FAM83E: variants seen among roughly 807,000 people sequenced by gnomAD.
FAM83E encodes the protein protein FAM83E.
FAM83E carries 29 observed loss-of-function variants against 34.3 expected under a neutral mutation model. The observed-to-expected ratio is 0.85, with a 90% CI of 0.63 to 1.15. FAM83E has a LOEUF of 1.15. Among genes scored for constraint, FAM83E ranks in the 50% most tolerant of loss-of-function variants. FAM83E has a pLI of 0.00. For synonymous variants in FAM83E, 312 were observed against 311.6 expected, an observed-to-expected ratio of 1.00 and a Z score of -0.01; for missense variants, 697 against 685.0, an observed-to-expected ratio of 1.02 and a Z score of -0.20.
At chr19:48,610,123 G>T in intron 4 of FAM83E, 123 bp from the exon 5 acceptor site, 1 of 1,287,972 alleles carries the variant, frequency 7.8e-7, no homozygotes, top group Non-Finnish European at 1.1e-6. Context: ...CCAAGGCCAG[G>T]CGTGGTGGCT....
rs768310673 is a variant in FAM83E at position 48,610,728 on chromosome 19, G to A, written c.585C>T (p.Ala195=). 5.7e-6 allele frequency: 9 copies of A among 1,586,762 alleles called. No individual in the cohort carries two copies. Among genetic ancestry groups the A allele is most frequent in the Middle Eastern group, 1.7e-4 (1 of 6,038 alleles). ...YLLLDRQQLP[A]FLELAQQLGV... The stretch of plus-strand genomic sequence containing the variant: ...CCAGCTGCTGGGCCAGTTCCAGGAA[G>A]GCAGGCAGCTGCTGGCGGTCCAGGA... The change falls in exon 4 of 7, where the codon GCC becomes GCT. Residue 195 remains alanine, a synonymous_variant. Transcript: ENST00000263266.
chr19:48,603,682 C>T lies in FAM83E; in HGVS notation c.988G>A (p.Gly330Ser), dbSNP rs762142799. 27 of 1,292,964 alleles carry T rather than the reference C, an allele frequency of 2.1e-5. No individual in the cohort carries two copies. Among genetic ancestry groups the T allele is most frequent in the Admixed American group, 4.1e-5 (1 of 24,158 alleles). The allele number at this position is 1,292,964 out of a possible 1,614,324, so 80.1% of individuals were successfully genotyped here. The change falls in exon 6 of 7, where the codon GGC (glycine) becomes AGC (serine). Residue 330 changes from glycine to serine, a missense_variant. By Grantham distance (56) the Gly-to-Ser change is moderately conservative. Coordinates refer to ENST00000263266, the MANE Select transcript of FAM83E (RefSeq NM_017708.4). The part of the protein sequence containing the change: ...VAPASPPPPD[G>S]PLAHRLAACR... ...GCGGCCAGGCGGTGGGCCAGCGGGC[C>T]GTCAGGCGGCGGAGGCGACGCGGGG... is the stretch of plus-strand genomic sequence containing the variant.
At position 48,613,267 on chromosome 19, in the gene FAM83E, C is replaced by T. The variant is rs748865179; in HGVS notation, c.106G>A (p.Glu36Lys). The change falls in exon 3 of 7, where the codon GAG becomes AAG. Residue 36 changes from glutamate to lysine, a missense_variant. Glu to Lys is a moderately conservative substitution (Grantham distance 56). Transcript: ENST00000263266. ...TCCGCGCCCTTGCTCAACAGAGCCT[C>T]CAGTGCCAGCCGCTGGCCCTCGGAA... ...LYSEGQRLAL[E>K]ALLSKGAEAF... The T allele has an allele frequency of 6.2e-7, 1 of 1,609,480 alleles. No homozygotes were observed. Among genetic ancestry groups the T allele is most frequent in the Admixed American group, 1.7e-5 (1 of 59,950 alleles).
chr19:48,612,390 G>A (rs976034092), intron 3 of FAM83E, among the ~76,000 whole-genome samples: 2 of 151,640 alleles, frequency 1.3e-5, no homozygotes, highest in Admixed American at 6.6e-5. Context: ...GGGAGGGTAG[G>A]GGCCCCCATT....
chr19:48,605,842 C>T (rs543745089), intron 5 of FAM83E, among the ~76,000 whole-genome samples: 3 of 152,006 alleles, frequency 2.0e-5, no homozygotes, highest in African/African-American at 7.2e-5. Flanking sequence ...TGAGCCACTG[C>T]GCCCGGCCAA....
chr19:48,600,870 C>T lies in FAM83E; in HGVS notation c.*239G>A. On this transcript the variant is annotated 3_prime_UTR_variant, in exon 7 of 7. Transcript: ENST00000263266. ...GTCTCACTATGTTGCCCAGGCTGGTCTCCAACTCCTGGCCTTAAGCAACCC... is the reference window on the plus strand; with the variant it reads ...GTCTCACTATGTTGCCCAGGCTGGTTTCCAACTCCTGGCCTTAAGCAACCC... The T allele has an allele frequency of 1.3e-6, 1 of 743,330 alleles. No homozygotes were observed. The highest frequency in any genetic ancestry group is 1.9e-6 in the Non-Finnish European group (1 of 519,030). 46.0% of individuals were successfully genotyped at this position (743,330 alleles called of 1,614,324 possible). A position where few individuals can be genotyped will look rare whatever the true frequency, so the allele number is the denominator to read the frequency against.
At chr19:48,605,986 T>C (rs1322192706) in intron 5 of FAM83E, among the ~76,000 whole-genome samples, 1 of 152,156 alleles carries the variant, frequency 6.6e-6, no homozygotes, top group East Asian at 1.9e-4. Flanking sequence ...GCCCTAACAC[T>C]TCCTGTCATC....
chr19:48,610,124 C>G (rs1211694870), intron 4 of FAM83E, 124 bp from the exon 5 acceptor site: 1 of 1,274,158 alleles, frequency 7.8e-7, no homozygotes, highest in East Asian at 2.6e-5. Flanking sequence ...CAAGGCCAGG[C>G]GTGGTGGCTC....
Position 48,613,926 on chromosome 19 carries a change from G to C in FAM83E, c.-554C>G. 1.0e-6 allele frequency: 1 copy of C among 985,258 alleles called. No individual in the cohort carries two copies. Among genetic ancestry groups the C allele is most frequent in the South Asian group, 4.7e-5 (1 of 21,272 alleles). The allele number at this position is 985,258 out of a possible 1,614,324, so 61.0% of individuals were successfully genotyped here. On this transcript the variant is annotated 5_prime_UTR_variant, in exon 3 of 7. Transcript: ENST00000263266. ...GTTGCCTGCCTGCCCCCGGCCAAGA[G>C]CACGACGAACTGACCCTCTCCTTCC...
Position 48,614,533 on chromosome 19 carries a change from C to T in FAM83E, c.-1161G>A, listed in dbSNP as rs986505973. On this transcript the variant is annotated 5_prime_UTR_variant, in exon 3 of 7. Transcript: ENST00000263266. ...CCCCTTGAGGCTCCTGACCCAACCT[C>T]GGGGACCCTGGACCCTTGATCCCTG... is the stretch of plus-strand genomic sequence containing the variant. 8.1e-6 allele frequency: 8 copies of T among 985,676 alleles called. No individual in the cohort carries two copies. Among genetic ancestry groups the T allele is most frequent in the Admixed American group, 6.1e-5 (1 of 16,274 alleles). 61.1% of individuals were successfully genotyped at this position (985,676 alleles called of 1,614,324 possible).
intron 5 of FAM83E, chr19:48,607,260 C>T (rs1159514104): frequency 6.2e-7 from 1 of 1,607,866 alleles, no homozygotes; most frequent in African/African-American, 1.3e-5. Context: ...GCACCGGCCG[C>T]CTGTGTAACA....
chr19:48,610,686 G>T lies in FAM83E; in HGVS notation c.627C>A (p.Asn209Lys). The T allele has an allele frequency of 6.4e-7, 1 of 1,567,534 alleles. No homozygotes were observed. Reference sequence around the variant, plus strand: ...CCCCTGGCCCGGCCCCTACCTCCGTGTTCCAGGGGTTCACCCCCAGCTGCT... The same window carrying T: ...CCCCTGGCCCGGCCCCTACCTCCGTTTTCCAGGGGTTCACCCCCAGCTGCT... ...LAQQLGVNPW[N>K]TENVDVRVVR... Residue 209 changes from asparagine to lysine, a missense_variant, in exon 4 of 7, where the codon AAC becomes AAA. Physicochemically the swap from Asn to Lys is moderately conservative, Grantham distance 94. Transcript: ENST00000263266.
Position 48,603,631 on chromosome 19 carries a change from C to A in FAM83E, c.1039G>T (p.Gly347Trp). Residue 347 changes from glycine (G) to tryptophan (W), a missense_variant, in exon 6 of 7, where the codon GGG becomes TGG. Gly to Trp is a radical substitution (Grantham distance 184). Transcript: ENST00000263266. ...CTTAGAATGTCACTGAGTGCCGGCC[C>A]CGGGGTAGCAGGGGAGACGCGGCAG... The part of the protein sequence containing the change: ...AACRVSPATP[G>W]PALSDILRSV... 1 of 1,398,644 alleles carries A rather than the reference C, an allele frequency of 7.1e-7. No homozygotes were observed. The highest frequency in any genetic ancestry group is 9.3e-7 in the Non-Finnish European group (1 of 1,075,532). 86.6% of individuals were successfully genotyped at this position (1,398,644 alleles called of 1,614,324 possible).
chr19:48,609,941 C>T lies in FAM83E; in HGVS notation c.693G>A (p.Val231=). 6.2e-7 allele frequency: 1 copy of T among 1,613,108 alleles called. No homozygotes were observed. Among genetic ancestry groups the T allele is most frequent in the Non-Finnish European group, 8.5e-7 (1 of 1,179,988 alleles). ...CSFQSRWRRQ[V]SGTVREKFVL... is the part of the protein sequence containing the mutation. ...CAAACTTCTCCCGCACGGTGCCGCT[C>T]ACCTGCCGTCGCCAGCGGCTCTGGA... The change falls in exon 5 of 7, where the codon GTG becomes GTA. Residue 231 remains valine, a synonymous_variant. Coordinates refer to ENST00000263266, the MANE Select transcript of FAM83E (RefSeq NM_017708.4).
chr19:48,609,265 C>CTTTTTTTTTTTTTTTTTT (rs869031073), intron 5 of FAM83E, among the ~76,000 whole-genome samples: 3 of 99,692 alleles, frequency 3.0e-5, no homozygotes, highest in Admixed American at 1.3e-4. Flanking sequence ...TTCTTTCTTT[C>CTTTTTTTTTTTTTTTTTT]TTTTTTTTTT....
In FAM83E at chr19:48,601,147, C is replaced by T. The variant is rs1300547143; in HGVS notation, c.1399G>A (p.Asp467Asn). 1.9e-6 allele frequency: 3 copies of T among 1,612,976 alleles called. No individual in the cohort carries two copies. In the African/African-American group the frequency reaches 4.0e-5, roughly 22 times the overall value. ...CCAAGTCCTGCCCGGGGGGCCCAGTCTGACGGCCTGACGCCTCTGGGCTCT... is the reference window on the plus strand; with the variant it reads ...CCAAGTCCTGCCCGGGGGGCCCAGTTTGACGGCCTGACGCCTCTGGGCTCT... Reference protein sequence around the residue: ...LQEPRGVRPSDWAPRAGLGGQ... With the variant: ...LQEPRGVRPSNWAPRAGLGGQ... The change falls in exon 7 of 7, where the codon GAC (aspartate) becomes AAC (asparagine). Residue 467 changes from aspartate (D) to asparagine (N), a missense_variant. Physicochemically the swap from Asp to Asn is conservative, Grantham distance 23. Transcript: ENST00000263266.
At chr19:48,604,081 G>A (rs1208440173) in intron 5 of FAM83E, among the ~76,000 whole-genome samples, 170 bp from the exon 6 acceptor site, 1 of 152,072 alleles carries the variant, frequency 6.6e-6, no homozygotes, top group Non-Finnish European at 1.5e-5. Context: ...CTACTCGGGA[G>A]GGGTGGAGTG....
At chr19:48,604,552 G>A (rs1307075821) in intron 5 of FAM83E, among the ~76,000 whole-genome samples, 4 of 149,908 alleles carry the variant, frequency 2.7e-5, no homozygotes, top group East Asian at 4.1e-4. Context: ...GGCTGGTCTC[G>A]AACCCCTGAC....
At chr19:48,608,106 A>G (rs975665374) in intron 5 of FAM83E, among the ~76,000 whole-genome samples, 1 of 151,856 alleles carries the variant, frequency 6.6e-6, no homozygotes, top group African/African-American at 2.4e-5. Flanking sequence ...AAAGCTGTGT[A>G]TTGTTCTCTC....
Sources: allele counts gnomAD v4.1 joint callset (sites outside exome capture counted in the v4.1 genomes callset), GRCh38; gene constraint gnomAD v4.1.1; transcripts MANE v1.5; gene names NCBI Gene and HGNC (gene_info 2026-07-23, HGNC 2026-07-21).